ATE1: variants seen among roughly 807,000 people sequenced by gnomAD.
The protein encoded by ATE1 is arginyl-tRNA--protein transferase 1.
ATE1 carries 36 observed loss-of-function variants against 70.5 expected under a neutral mutation model. The observed-to-expected ratio is 0.51, with a 90% CI of 0.39 to 0.67. The LOEUF is 0.67. Among genes scored for constraint, ATE1 ranks in the 30% least tolerant of loss-of-function variants. ATE1 has a pLI of 0.00. For synonymous variants in ATE1, 232 were observed against 219.3 expected, an observed-to-expected ratio of 1.06 and a Z score of -0.51; for missense variants, 593 against 629.5, an observed-to-expected ratio of 0.94 and a Z score of 0.62.
At position 121,905,077 on chromosome 10, in the gene ATE1, A is replaced by G. The variant is rs750559906; in HGVS notation, c.584-2457T>C. Among the ~76,000 whole-genome samples the G allele has an allele frequency of 9.9e-4, 151 of 152,168 alleles. 2 individuals carry two copies. The highest frequency in any genetic ancestry group is 3.9e-4 in the Admixed American group (6 of 15,272). ...CACTCTGTCTGACACAAGCTGCCTGAGGTCATGGACGAGGCTCTGTCACTT... is the reference window on the plus strand; with the variant it reads ...CACTCTGTCTGACACAAGCTGCCTGGGGTCATGGACGAGGCTCTGTCACTT... On this transcript the variant is annotated intron_variant, in intron 5 of 11. Transcript: ENST00000224652.
chr10:121,886,899 C>A (rs1950417323), intron 7 of ATE1, among the ~76,000 whole-genome samples: 1 of 152,048 alleles, frequency 6.6e-6, no homozygotes, highest in Admixed American at 6.5e-5. Flanking sequence ...TTCTCTAATA[C>A]ACTGAATAAT....
chr10:121,776,344 A>C (rs1047158336), intron 11 of ATE1, among the ~76,000 whole-genome samples: 5 of 152,020 alleles, frequency 3.3e-5, no homozygotes, highest in Non-Finnish European at 7.4e-5. Flanking sequence ...AATCCCTCCT[A>C]TCTCTAATCA....
chr10:121,812,661 A>G (rs984122198), intron 10 of ATE1, among the ~76,000 whole-genome samples: 3 of 152,208 alleles, frequency 2.0e-5, no homozygotes, highest in Admixed American at 6.5e-5. Context: ...GCAAAAAAAG[A>G]ACATAGACAT....
intron 11 of ATE1, among the ~76,000 whole-genome samples, chr10:121,754,360 C>T (rs950053575): frequency 1.3e-5 from 2 of 152,014 alleles, no homozygotes; most frequent in Admixed American, 6.6e-5. Flanking sequence ...ATATTTTGTG[C>T]CAGAAAGGAA....
At chr10:121,831,572 T>C (rs915908537) in intron 10 of ATE1, among the ~76,000 whole-genome samples, 2 of 152,214 alleles carry the variant, frequency 1.3e-5, no homozygotes, top group Admixed American at 6.5e-5. Context: ...ATTGGATTCC[T>C]TCAACCTAGT....
At chr10:121,799,550 G>A (rs931239149) in intron 10 of ATE1, among the ~76,000 whole-genome samples, 2 of 152,156 alleles carry the variant, frequency 1.3e-5, no homozygotes, top group Non-Finnish European at 1.5e-5. Flanking sequence ...CCAAACAGGA[G>A]ATGAAATGAG....
intron 11 of ATE1, among the ~76,000 whole-genome samples, chr10:121,749,139 C>G (rs896847325): frequency 5.3e-5 from 8 of 152,162 alleles, no homozygotes; most frequent in Non-Finnish European, 1.0e-4. Flanking sequence ...CCTGCCCATA[C>G]CTTCCTTCAA....
chr10:121,759,681 G>A (rs559043840), intron 11 of ATE1, among the ~76,000 whole-genome samples: 47 of 144,754 alleles, frequency 3.2e-4, no homozygotes, highest in African/African-American at 1.1e-3. Flanking sequence ...CCGAGACTGC[G>A]CCACTGCACT....
Position 121,815,281 on chromosome 10 carries a change from G to A in ATE1, c.1257+21437C>T, listed in dbSNP as rs375019501. Reference sequence around the variant, plus strand: ...CTCCCGAGTAGCTGGGACTACAGGCGCCCGCCACCACGCCCGGCTAATTTT... The same window carrying A: ...CTCCCGAGTAGCTGGGACTACAGGCACCCGCCACCACGCCCGGCTAATTTT... On this transcript the variant is annotated intron_variant, in intron 10 of 11. Transcript: ENST00000224652. Among the ~76,000 whole-genome samples, 745 of 152,206 alleles carry A rather than the reference G, an allele frequency of 4.9e-3. 8 individuals carry two copies. The highest frequency in any genetic ancestry group is 0.017 in the African/African-American group (702 of 41,534).
intron 1 of ATE1, among the ~76,000 whole-genome samples, chr10:121,924,773 T>C (rs1377611810): frequency 6.6e-6 from 1 of 151,894 alleles, no homozygotes; most frequent in Admixed American, 6.6e-5. Context: ...GAAAAGTTTG[T>C]ACATACTTCA....
chr10:121,767,595 T>A (rs977365631), intron 11 of ATE1, among the ~76,000 whole-genome samples: 3 of 152,084 alleles, frequency 2.0e-5, no homozygotes, highest in Admixed American at 6.5e-5. Flanking sequence ...AAAATTAATA[T>A]CCATAATATT....
intron 7 of ATE1, among the ~76,000 whole-genome samples, chr10:121,887,200 G>A (rs994522141): frequency 3.3e-5 from 5 of 152,158 alleles, no homozygotes; most frequent in African/African-American, 7.2e-5. Context: ...ACCTGGTGGC[G>A]GAGTGAGACA....
intron 3 of ATE1, among the ~76,000 whole-genome samples, chr10:121,920,263 C>T (rs1267729716): frequency 1.3e-5 from 2 of 150,262 alleles, no homozygotes; most frequent in Non-Finnish European, 3.0e-5. Context: ...AGGCAGGAGG[C>T]TCCTTTGAGC....
chr10:121,841,008 T>G (rs759495162), intron 9 of ATE1, 74 bp downstream of exon 9: 581 of 1,261,850 alleles, frequency 4.6e-4, no homozygotes, highest in Non-Finnish European at 5.5e-4. Flanking sequence ...TGTTACATAA[T>G]TAAATATAAT....
intron 9 of ATE1, 75 bp from the exon 10 acceptor site, chr10:121,836,892 G>T: frequency 1.1e-6 from 1 of 917,900 alleles, no homozygotes; most frequent in Non-Finnish European, 1.7e-6. Context: ...GTAATTTGAT[G>T]GTAAACATTT....
chr10:121,743,895 C>T (rs1590192458), intron 11 of ATE1, 37 bp from the exon 12 acceptor site: 2 of 973,916 alleles, frequency 2.1e-6, no homozygotes, highest in African/African-American at 1.7e-5. Flanking sequence ...TAAAATGTCA[C>T]ATATCAAAAC....
chr10:121,760,894 A>G (rs1486468415), intron 11 of ATE1, among the ~76,000 whole-genome samples: 1 of 152,130 alleles, frequency 6.6e-6, no homozygotes, highest in African/African-American at 2.4e-5. Context: ...GCTATAATTC[A>G]TATGTTTGTC....
chr10:121,790,199 A>T lies in ATE1; in HGVS notation c.1348T>A (p.Tyr450Asn). The change falls in exon 11 of 12, where the codon TAC becomes AAC. Residue 450 changes from tyrosine (Y) to asparagine (N), a missense_variant. Tyr to Asn is a moderately radical substitution (Grantham distance 143). This residue lies in a region of ATE1 where 90 missense variants were observed against 93.7 expected (regional missense o/e 0.96). Coordinates refer to ENST00000224652, the MANE Select transcript of ATE1 (RefSeq NM_001001976.3). ...QCLPSLENSK[Y>N]CRFNQDPEAV... is the part of the protein sequence containing the mutation. ...TCTGGGTCCTGGTTGAAACGGCAGT[A>T]CTTGGAGTTTTCAAGTGAAGGCAGG... The T allele has an allele frequency of 1.9e-6, 3 of 1,614,078 alleles. No homozygotes were observed. Among genetic ancestry groups the T allele is most frequent in the Non-Finnish European group, 2.5e-6 (3 of 1,179,938 alleles).
intron 10 of ATE1, among the ~76,000 whole-genome samples, chr10:121,836,487 A>G (rs985234569): frequency 6.6e-6 from 1 of 152,144 alleles, no homozygotes; most frequent in Non-Finnish European, 1.5e-5. Flanking sequence ...CTTTTTTTTA[A>G]AGGGAAATTC....
Sources: gnomAD v4.1 joint callset for allele counts (sites outside exome capture counted in the v4.1 genomes callset) on GRCh38, gnomAD v4.1.1 for gene constraint, gnomAD v4.1.1 regional missense constraint, MANE v1.5 for transcripts, NCBI Gene and HGNC (gene_info 2026-07-23, HGNC 2026-07-21) for gene names.